SV2B: variants seen among roughly 807,000 people sequenced by gnomAD.
SV2B encodes the protein solute carrier family 22 member B2.
SV2B carries 41 observed loss-of-function variants against 73.9 expected under a neutral mutation model. The observed-to-expected ratio is 0.56, with a 90% CI of 0.43 to 0.72. SV2B has a LOEUF of 0.72. Among genes scored for constraint, SV2B ranks in the 30% least tolerant of loss-of-function variants. The pLI, the probability that SV2B is intolerant of heterozygous loss-of-function variation, is 0.00. For synonymous variants in SV2B, 314 were observed against 314.2 expected, an observed-to-expected ratio of 1.00 and a Z score of 0.01; for missense variants, 764 against 857.8, an observed-to-expected ratio of 0.89 and a Z score of 1.37.
At chr15:91,119,045 G>T (rs776955370) in intron 1 of SV2B, among the ~76,000 whole-genome samples, 6 of 152,160 alleles carry the variant, frequency 3.9e-5, no homozygotes, top group Non-Finnish European at 5.9e-5. Context: ...GTAGCAGATG[G>T]AATCCTCTGC....
chr15:91,196,529 G>A (rs571368969), intron 1 of SV2B, among the ~76,000 whole-genome samples: 4 of 152,312 alleles, frequency 2.6e-5, no homozygotes, highest in African/African-American at 9.6e-5. Context: ...GGCCGGTTGT[G>A]GGATATGGCT....
Position 91,258,555 on chromosome 15 carries a change from G to A in SV2B, c.918+1G>A. The A allele has an allele frequency of 6.2e-7, 1 of 1,613,878 alleles. No homozygotes were observed. The highest frequency in any genetic ancestry group is 1.1e-5 in the South Asian group (1 of 91,008). ...AGAGAGCCCAAGGTTTCTGCTAGAG[G>A]TGAGTCAGTGCTTTTCCACCAGGGG... On this transcript the variant is annotated splice_donor_variant, in intron 5 of 12. Transcript: ENST00000394232. LOFTEE classifies it high-confidence loss of function. This position sits in a 1 kb window ranked among gnomAD's most constrained non-coding sequence, Gnocchi z 4.7.
intron 1 of SV2B, among the ~76,000 whole-genome samples, chr15:91,153,939 G>A (rs930936167): frequency 6.6e-6 from 1 of 151,978 alleles, no homozygotes; most frequent in Non-Finnish European, 1.5e-5. Flanking sequence ...GGTCTGAGGG[G>A]GGACATCCCA....
In SV2B at chr15:91,284,073, G is replaced by C. The variant is rs2048775345; in HGVS notation, c.1560G>C (p.Leu520=). The change falls in exon 11 of 13, where the codon CTG becomes CTC. Residue 520 remains leucine (L), a synonymous_variant. Transcript: ENST00000394232. The surrounding 1 kb of genome is among the most constrained non-coding windows in gnomAD (Gnocchi z 4.5). ...GTCGGTTTATCAACTCCACCTTCCT[G>C]GAGCAGAAGGAGGGCTGCCACATGG... ...INCRFINSTF[L]EQKEGCHMDL... 4 of 1,614,164 alleles carry C rather than the reference G, an allele frequency of 2.5e-6. 1 individual carries two copies. The highest frequency in any genetic ancestry group is 3.3e-4 in the Middle Eastern group (2 of 6,062).
In SV2B at chr15:91,296,571, ATGGGAGCACACTCCTTCTGCCTGATCAT is replaced by A. The variant is rs1567034826; in HGVS notation, c.*4029_*4056del. ...GGGAGCACACTCCTTCTGCCTGATC[ATGGGAGCACACTCCTTCTGCCTGATCAT>A]TGGGAGCACGCTCCTTCTGCCTGAT... On this transcript the variant is annotated 3_prime_UTR_variant, in exon 13 of 13. Coordinates refer to ENST00000394232, the MANE Select transcript of SV2B (RefSeq NM_001323032.3). 2 of 138,664 alleles carry A rather than the reference ATGGGAGCACACTCCTTCTGCCTGATCAT, an allele frequency of 1.4e-5. No individual in the cohort carries two copies. The highest frequency in any genetic ancestry group is 5.8e-5 in the African/African-American group (2 of 34,646). The allele number at this position is 138,664 out of a possible 1,614,324, so 8.6% of individuals were successfully genotyped here. A position where few individuals can be genotyped will look rare whatever the true frequency, so the allele number is the denominator to read the frequency against.
rs2047899807 is a variant in SV2B at position 91,261,223 on chromosome 15, A to C, written c.1008+814A>C. On this transcript the variant is annotated intron_variant, in intron 6 of 12. Coordinates refer to ENST00000394232, the MANE Select transcript of SV2B (RefSeq NM_001323032.3). This position sits in a 1 kb window ranked among gnomAD's most constrained non-coding sequence, Gnocchi z 4.7. ...GGTTGCAGTGAGCTGAGATAGTGCC[A>C]CTGCACTCCAGCCTGGGCAACAGAG... 6.6e-6 allele frequency among the ~76,000 whole-genome samples: 1 copy of C among 152,042 alleles called. No individual in the cohort carries two copies. The highest frequency in any genetic ancestry group is 6.5e-5 in the Admixed American group (1 of 15,272).
intron 1 of SV2B, among the ~76,000 whole-genome samples, chr15:91,157,565 T>C (rs1408646361): frequency 6.6e-6 from 1 of 152,244 alleles, no homozygotes; most frequent in African/African-American, 2.4e-5. Flanking sequence ...TGTTAGGCAC[T>C]GTTTTAAGCT....
At chr15:91,200,098 T>C (rs2045407838) in intron 1 of SV2B, among the ~76,000 whole-genome samples, 1 of 152,216 alleles carries the variant, frequency 6.6e-6, no homozygotes, top group African/African-American at 2.4e-5. Flanking sequence ...CATTCAAGCC[T>C]CTCCTATTGC....
intron 11 of SV2B, among the ~76,000 whole-genome samples, chr15:91,287,777 G>A (rs1221679098): frequency 2.0e-5 from 3 of 152,240 alleles, no homozygotes; most frequent in Admixed American, 2.0e-4. Flanking sequence ...AGAGCTTTTA[G>A]AGGTGTGGAA....
At chr15:91,243,363 T>C (rs541132024) in intron 2 of SV2B, among the ~76,000 whole-genome samples, 8 of 152,174 alleles carry the variant, frequency 5.3e-5, no homozygotes, top group Non-Finnish European at 1.2e-4. Context: ...ATCTCTAGTG[T>C]GGTGGTATGT....
chr15:91,260,373 C>T lies in SV2B; in HGVS notation c.972C>T (p.Asn324=). ...TTCTCAAGCAAGTCCATGACACCAA[C>T]ATGAGAGCTAAGGGGACCCCAGAGA... ...WMILKQVHDT[N]MRAKGTPEKV... The change falls in exon 6 of 13, where the codon AAC becomes AAT. Residue 324 remains asparagine, a synonymous_variant. Coordinates refer to ENST00000394232, the MANE Select transcript of SV2B (RefSeq NM_001323032.3). 1.2e-6 allele frequency: 2 copies of T among 1,613,658 alleles called. No homozygotes were observed. Among genetic ancestry groups the T allele is most frequent in the South Asian group, 2.2e-5 (2 of 91,004 alleles).
At chr15:91,109,332 T>C (rs1037821911) in intron 1 of SV2B, among the ~76,000 whole-genome samples, 5 of 152,368 alleles carry the variant, frequency 3.3e-5, no homozygotes, top group East Asian at 1.9e-4. Context: ...GATTTGGAAG[T>C]TGACTGTTCA....
chr15:91,261,043 T>C lies in SV2B; in HGVS notation c.1008+634T>C, dbSNP rs573351603. ...TCAGAGGCCGAGGCTGGCAGATCAC[T>C]TGAAGTCAGGGGTTCAAGACCAGCC... On this transcript the variant is annotated intron_variant, in intron 6 of 12. Coordinates refer to ENST00000394232, the MANE Select transcript of SV2B (RefSeq NM_001323032.3). This position sits in a 1 kb window ranked among gnomAD's most constrained non-coding sequence, Gnocchi z 4.7. Among the ~76,000 whole-genome samples, 93 of 152,324 alleles carry C rather than the reference T, an allele frequency of 6.1e-4. No homozygotes were observed. The highest frequency in any genetic ancestry group is 2.1e-3 in the African/African-American group (89 of 41,570).
In SV2B at chr15:91,187,672, T is replaced by C. The variant is rs947538897; in HGVS notation, c.-391-38201T>C. On this transcript the variant is annotated intron_variant, in intron 1 of 12. Coordinates refer to ENST00000394232, the MANE Select transcript of SV2B (RefSeq NM_001323032.3). ...AATTTTATGTTTTGTTTTTTTTTTTTAAATTGTGGCAACATATACCATTGT... is the reference window on the plus strand; with the variant it reads ...AATTTTATGTTTTGTTTTTTTTTTTCAAATTGTGGCAACATATACCATTGT... Among the ~76,000 whole-genome samples the C allele has an allele frequency of 4.1e-5, 6 of 147,942 alleles. No homozygotes were observed. The South Asian group carries it at 1.1e-3, about 27-fold the overall frequency.
rs184537164 is a variant in SV2B, at chr15:91,140,333, C to A, written c.-392+39970C>A. On this transcript the variant is annotated intron_variant, in intron 1 of 12. Transcript: ENST00000394232. This position sits in a 1 kb window ranked among gnomAD's most constrained non-coding sequence, Gnocchi z 4.4. Reference sequence around the variant, plus strand: ...CTAATAAAAGTCATTCATCAATTATCCATTAAGAAGGATTTTAAAATAATA... The same window carrying A: ...CTAATAAAAGTCATTCATCAATTATACATTAAGAAGGATTTTAAAATAATA... Among the ~76,000 whole-genome samples, 12 of 152,282 alleles carry A rather than the reference C, an allele frequency of 7.9e-5. No individual in the cohort carries two copies. The highest frequency in any genetic ancestry group is 1.5e-4 in the Non-Finnish European group (10 of 68,030).
intron 1 of SV2B, among the ~76,000 whole-genome samples, chr15:91,168,118 G>T (rs1007749191): frequency 3.3e-5 from 5 of 152,096 alleles, no homozygotes; most frequent in African/African-American, 1.2e-4. Context: ...CATGAACTAG[G>T]ATTTCATACC....
intron 1 of SV2B, among the ~76,000 whole-genome samples, chr15:91,178,750 A>G (rs1197281119): frequency 6.7e-6 from 1 of 148,392 alleles, no homozygotes; most frequent in Non-Finnish European, 1.5e-5. Flanking sequence ...CCCCTTTATC[A>G]TTTTTTATTG....
intron 4 of SV2B, among the ~76,000 whole-genome samples, chr15:91,257,586 T>A (rs1431374275): frequency 6.6e-6 from 1 of 152,220 alleles, no homozygotes; most frequent in East Asian, 1.9e-4. Context: ...TTAAAAAAAT[T>A]GTGTAGCCGT....
chr15:91,123,724 G>A lies in SV2B; in HGVS notation c.-392+23361G>A, dbSNP rs932188381. Among the ~76,000 whole-genome samples the A allele has an allele frequency of 2.6e-5, 4 of 152,040 alleles. No homozygotes were observed. The highest frequency in any genetic ancestry group is 2.1e-4 in the South Asian group (1 of 4,810). ...CGGTAGAGTTGTGATGCAGGTCTTC[G>A]GACTCCTCATGCACTACTCCTTTCT... On this transcript the variant is annotated intron_variant, in intron 1 of 12. Coordinates refer to ENST00000394232, the MANE Select transcript of SV2B (RefSeq NM_001323032.3). This position sits in a 1 kb window ranked among gnomAD's most constrained non-coding sequence, Gnocchi z 4.7.
Sources: allele counts gnomAD v4.1 joint callset (sites outside exome capture counted in the v4.1 genomes callset), GRCh38; gene constraint gnomAD v4.1.1; non-coding constraint Gnocchi (gnomAD v3.1); transcripts MANE v1.5; gene names NCBI Gene and HGNC (gene_info 2026-07-23, HGNC 2026-07-21).